The following GRIN2C variants were observed in gnomAD, a reference collection of about 807,000 sequenced individuals.
GRIN2C encodes the protein glutamate ionotropic receptor NMDA type subunit 2C.
GRIN2C carries 64 observed loss-of-function variants against 77.7 expected under a neutral mutation model. That is an observed-to-expected ratio of 0.82 (90% CI 0.67 to 1.01). The LOEUF is 1.01. Ranked by LOEUF, GRIN2C falls within the 50% of genes least tolerant of loss-of-function variation. GRIN2C has a pLI of 0.00. For missense variants in GRIN2C, 1,549 were observed against 1,486.0 expected, an observed-to-expected ratio of 1.04 and a Z score of -0.70; for synonymous variants, 792 against 643.4, an observed-to-expected ratio of 1.23 and a Z score of -3.49.
chr17:74,859,006 C>G lies in GRIN2C; in HGVS notation c.-16+738G>C, dbSNP rs1402406824. ...AGGCTGGGGCACCTGCCCTTCTTCC[C>G]CCTGCCCTGGCTTCCCCTCCTGGGT... On this transcript the variant is annotated intron_variant, in intron 1 of 12. Transcript: ENST00000293190. This position sits in a 1 kb window ranked among gnomAD's most constrained non-coding sequence, Gnocchi z 5.9. Among the ~76,000 whole-genome samples the G allele has an allele frequency of 6.6e-6, 1 of 152,076 alleles. No homozygotes were observed. The highest frequency in any genetic ancestry group is 1.5e-5 in the Non-Finnish European group (1 of 67,998).
rs2037345876 is a variant in GRIN2C at position 74,843,082 on chromosome 17, C to G, written c.3055G>C (p.Glu1019Gln). 2 of 457,390 alleles carry G rather than the reference C, an allele frequency of 4.4e-6. No individual in the cohort carries two copies. Among genetic ancestry groups the G allele is most frequent in the Non-Finnish European group, 7.8e-6 (2 of 256,270 alleles). 28.3% of individuals were successfully genotyped at this position (457,390 alleles called of 1,614,324 possible). A position where few individuals can be genotyped will look rare whatever the true frequency, so the allele number is the denominator to read the frequency against. The change falls in exon 13 of 13, where the codon GAG becomes CAG. Residue 1019 changes from glutamate to glutamine, a missense_variant. By Grantham distance (29) the Glu-to-Gln change is conservative. Transcript: ENST00000293190. ...CAGCGCGCGGGCGACAGGGGCCGCT[C>G]GGAGGCCGAGAGGTGCCTCCCGCAG... ...GHCGRHLSAS[E>Q]RPLSPARCHY... is the part of the protein sequence containing the mutation.
At position 74,854,975 on chromosome 17, in the gene GRIN2C, C is replaced by G; in HGVS notation, c.118G>C (p.Gly40Arg). ...MTVAVVFSSS[G>R]PPQAQFRARL... ...GCACGGAACTGGGCCTGGGGCGGCC[C>G]TGAGCTGCTAAACACCACGGCCACC... is the stretch of plus-strand genomic sequence containing the variant. Residue 40 changes from glycine to arginine, a missense_variant, in exon 2 of 13, where the codon GGG (glycine) becomes CGG (arginine). Coordinates refer to ENST00000293190, the MANE Select transcript of GRIN2C (RefSeq NM_000835.6). The G allele has an allele frequency of 6.2e-7, 1 of 1,610,760 alleles. No homozygotes were observed. The highest frequency in any genetic ancestry group is 8.5e-7 in the Non-Finnish European group (1 of 1,179,944).
In GRIN2C at chr17:74,852,425, G is replaced by T; in HGVS notation, c.586C>A (p.Leu196Met). The T allele has an allele frequency of 1.3e-6, 2 of 1,519,690 alleles. No homozygotes were observed. The highest frequency in any genetic ancestry group is 2.6e-5 in the East Asian group (1 of 37,876). 94.1% of individuals were successfully genotyped at this position (1,519,690 alleles called of 1,614,324 possible). ...ADASHVSWRL[L>M]DVVTLELGPG... ...CCCAGCTCCAGCGTGACCACGTCCA[G>T]CAGCCGCCAACTCACGTGGCTGGCG... is the stretch of plus-strand genomic sequence containing the variant. The change falls in exon 3 of 13, where the codon CTG (leucine) becomes ATG (methionine). Residue 196 changes from leucine to methionine, a missense_variant. By Grantham distance (15) the Leu-to-Met change is conservative. Around this residue, in one of 3 missense-constraint regions of GRIN2C, gnomAD observed 382 missense variants for 360.0 expected, o/e 1.06. Transcript: ENST00000293190.
chr17:74,847,439 T>G lies in GRIN2C; in HGVS notation c.1870A>C (p.Thr624Pro). ...SVPIENPRGT[T>P]SKIMVLVWAF... ...CAGACCAGAACCATGATCTTGCTGG[T>G]GGTGCCCCGCGGGTTCTCGATGGGC... The change falls in exon 9 of 13, where the codon ACC (threonine) becomes CCC (proline). Residue 624 changes from threonine (T) to proline (P), a missense_variant. Physicochemically the swap from Thr to Pro is conservative, Grantham distance 38. This residue lies in a region of GRIN2C where 717 missense variants were observed against 858.1 expected (regional missense o/e 0.84). Transcript: ENST00000293190. This position sits in a 1 kb window ranked among gnomAD's most constrained non-coding sequence, Gnocchi z 5.2. 2 of 1,613,836 alleles carry G rather than the reference T, an allele frequency of 1.2e-6. No individual in the cohort carries two copies. The highest frequency in any genetic ancestry group is 1.7e-6 in the Non-Finnish European group (2 of 1,179,886).
intron 1 of GRIN2C, among the ~76,000 whole-genome samples, chr17:74,855,534 C>T (rs1452648581): frequency 1.3e-5 from 2 of 152,228 alleles, no homozygotes; most frequent in South Asian, 2.1e-4. Flanking sequence ...AGGGAAGTCA[C>T]TTAGCCTCTC....
At chr17:74,852,634 CGGGG>C in intron 2 of GRIN2C, 23 bp from the exon 3 acceptor site, 1 of 1,015,734 alleles carries the variant, frequency 9.8e-7, no homozygotes, top group Non-Finnish European at 1.2e-6. Context: ...GGGGCCTGAG[CGGGG>C]CGGGAGGGCC....
In GRIN2C at chr17:74,846,085, G is replaced by T; in HGVS notation, c.2331C>A (p.Leu777=). ...SHWKRAIDLA[L]LQFLGDGETQ... ...ACCCACCGTCCCCCAGGAACTGCAA[G>T]AGCGCCAGGTCTATGGCCCGCTTCC... The change falls in exon 11 of 13, where the codon CTC becomes CTA. Residue 777 remains leucine (L), a synonymous_variant. Transcript: ENST00000293190. The surrounding 1 kb of genome is among the most constrained non-coding windows in gnomAD (Gnocchi z 4.4). 6.2e-7 allele frequency: 1 copy of T among 1,614,170 alleles called. No individual in the cohort carries two copies. Among genetic ancestry groups the T allele is most frequent in the Non-Finnish European group, 8.5e-7 (1 of 1,179,996 alleles).
rs2037465934 is a variant in GRIN2C, at chr17:74,846,689, C to T, written c.2162+71G>A. ...GGACAGCCCAGTCCCACTGTCCCCA[C>T]ATTGAGAGCTAAGGCTGGTCACTGG... On this transcript the variant is annotated intron_variant, in intron 10 of 12. Transcript: ENST00000293190. The surrounding 1 kb of genome is among the most constrained non-coding windows in gnomAD (Gnocchi z 4.4). The T allele has an allele frequency of 2.0e-6, 3 of 1,496,614 alleles. No homozygotes were observed. Among genetic ancestry groups the T allele is most frequent in the Non-Finnish European group, 2.8e-6 (3 of 1,090,042 alleles). The allele number at this position is 1,496,614 out of a possible 1,614,324, so 92.7% of individuals were successfully genotyped here.
Position 74,844,271 on chromosome 17 carries a change from C to T in GRIN2C, c.2583+5G>A. On this transcript the variant is annotated splice_donor_5th_base_variant and intron_variant, in intron 12 of 12. Transcript: ENST00000293190. ...TGGCCTGTGTGGGGAGGGGTGGGCA[C>T]CCACCCTGCTGAAAGCCAGCAGGAA... is the stretch of plus-strand genomic sequence containing the variant. The T allele has an allele frequency of 6.2e-7, 1 of 1,613,450 alleles. No individual in the cohort carries two copies. The highest frequency in any genetic ancestry group is 8.5e-7 in the Non-Finnish European group (1 of 1,179,596).
At position 74,850,873 on chromosome 17, in the gene GRIN2C, T is replaced by C. The variant is rs2037620859; in HGVS notation, c.1114-106A>G. 2 of 973,022 alleles carry C rather than the reference T, an allele frequency of 2.1e-6. No individual in the cohort carries two copies. The highest frequency in any genetic ancestry group is 1.5e-5 in the South Asian group (1 of 66,476). The allele number at this position is 973,022 out of a possible 1,614,324, so 60.3% of individuals were successfully genotyped here. On this transcript the variant is annotated intron_variant, in intron 4 of 12. Coordinates refer to ENST00000293190, the MANE Select transcript of GRIN2C (RefSeq NM_000835.6). This position sits in a 1 kb window ranked among gnomAD's most constrained non-coding sequence, Gnocchi z 5.3. ...ATCTCCCTCTCTCACCTAGGGATGCTGGGGCAGGTCAGAGTAGGGCTGCTC... is the reference window on the plus strand; with the variant it reads ...ATCTCCCTCTCTCACCTAGGGATGCCGGGGCAGGTCAGAGTAGGGCTGCTC...
Position 74,842,124 on chromosome 17 carries a change from G to A in GRIN2C, c.*311C>T, listed in dbSNP as rs970605485. On this transcript the variant is annotated 3_prime_UTR_variant, in exon 13 of 13. Transcript: ENST00000293190. ...GGCCCTGCCTCAACCACAAGTTCCA[G>A]CCTCCATGCCCACAGCAGCCATGAC... The A allele has an allele frequency of 5.8e-6, 2 of 345,674 alleles. No homozygotes were observed. The highest frequency in any genetic ancestry group is 1.1e-5 in the Non-Finnish European group (2 of 190,024). 21.4% of individuals were successfully genotyped at this position (345,674 alleles called of 1,614,324 possible).
Position 74,847,611 on chromosome 17 carries a change from G to T in GRIN2C, c.1772-74C>A. On this transcript the variant is annotated intron_variant, in intron 8 of 12. Coordinates refer to ENST00000293190, the MANE Select transcript of GRIN2C (RefSeq NM_000835.6). The surrounding 1 kb of genome is among the most constrained non-coding windows in gnomAD (Gnocchi z 5.2). ...AAAGGGCTCAGGGCTCAGCCCACCC[G>T]ACTGCACAGCTCCGGTCTCAGCCTG... 8.8e-7 allele frequency: 1 copy of T among 1,138,180 alleles called. No individual in the cohort carries two copies. Among genetic ancestry groups the T allele is most frequent in the South Asian group, 1.3e-5 (1 of 77,334 alleles). 70.5% of individuals were successfully genotyped at this position (1,138,180 alleles called of 1,614,324 possible). A position where few individuals can be genotyped will look rare whatever the true frequency, so the allele number is the denominator to read the frequency against.
At chr17:74,844,189 C>T (rs757574947) in intron 12 of GRIN2C, 87 bp downstream of exon 12, 1 of 1,561,706 alleles carries the variant, frequency 6.4e-7, no homozygotes, top group Non-Finnish European at 8.7e-7. Context: ...TTGGTTTTAC[C>T]TCTGGAAATG....
At chr17:74,854,663 G>A in intron 2 of GRIN2C, 31 bp downstream of exon 2, 1 of 1,584,140 alleles carries the variant, frequency 6.3e-7, no homozygotes, top group South Asian at 1.1e-5. Flanking sequence ...CCAGGCCTGA[G>A]GCACGAGGGG....
chr17:74,844,393 C>G lies in GRIN2C; in HGVS notation c.2466G>C (p.Leu822=). Residue 822 remains leucine (L), a synonymous_variant, in exon 12 of 13, where the codon CTG becomes CTC. Transcript: ENST00000293190. ...GCAGGGCCAGCCCCATGGCCACCAG[C>G]AGCATGTAGAAGACGCCTGCCATGT... is the stretch of plus-strand genomic sequence containing the variant. The part of the protein sequence containing the change: ...IDNMAGVFYM[L]LVAMGLALLV... 2 of 1,614,204 alleles carry G rather than the reference C, an allele frequency of 1.2e-6. No homozygotes were observed. The highest frequency in any genetic ancestry group is 1.7e-6 in the Non-Finnish European group (2 of 1,180,032).
chr17:74,858,338 T>C (rs973832780), intron 1 of GRIN2C, among the ~76,000 whole-genome samples: 15 of 38,026 alleles, frequency 3.9e-4, no homozygotes, highest in African/African-American at 1.5e-3. Flanking sequence ...GGTGTCCTGC[T>C]GGGTTGGGGG....
chr17:74,843,109 G>C lies in GRIN2C; in HGVS notation c.3028C>G (p.His1010Asp), dbSNP rs1307752365. ...GAGGCCGAGAGGTGCCTCCCGCAGT[G>C]CCCGGTCCGCACCGGCCACCGCGCC... ...WEARWPVRTGHCGRHLSASER... is the reference protein window; with the variant it reads ...WEARWPVRTGDCGRHLSASER... The change falls in exon 13 of 13, where the codon CAC becomes GAC. Residue 1010 changes from histidine (H) to aspartate (D), a missense_variant. Coordinates refer to ENST00000293190, the MANE Select transcript of GRIN2C (RefSeq NM_000835.6). 2.3e-6 allele frequency: 1 copy of C among 440,380 alleles called. No individual in the cohort carries two copies. Among genetic ancestry groups the C allele is most frequent in the Non-Finnish European group, 4.0e-6 (1 of 248,362 alleles). 27.3% of individuals were successfully genotyped at this position (440,380 alleles called of 1,614,324 possible).
At position 74,852,477 on chromosome 17, in the gene GRIN2C, G is replaced by A; in HGVS notation, c.534C>T (p.Phe178=). The change falls in exon 3 of 13, where the codon TTC becomes TTT. Residue 178 remains phenylalanine, a synonymous_variant. Transcript: ENST00000293190. ...CGGCGACGGCGCGCACGCCCTCCAGGAAGAGCGCGTGGCCCGGGTGCAGGC... is the reference window on the plus strand; with the variant it reads ...CGGCGACGGCGCGCACGCCCTCCAGAAAGAGCGCGTGGCCCGGGTGCAGGC... ...ITSLHPGHAL[F]LEGVRAVADA... is the part of the protein sequence containing the mutation. The A allele has an allele frequency of 6.4e-7, 1 of 1,563,346 alleles. No homozygotes were observed. The highest frequency in any genetic ancestry group is 8.6e-7 in the Non-Finnish European group (1 of 1,164,448).
At chr17:74,856,870 C>T (rs565348096) in intron 1 of GRIN2C, among the ~76,000 whole-genome samples, 67 of 152,168 alleles carry the variant, frequency 4.4e-4, no homozygotes, top group African/African-American at 9.6e-4. Flanking sequence ...ATCCAGAGAG[C>T]GGGGAAGTGC....
Sources: gnomAD v4.1 joint callset for allele counts (sites outside exome capture counted in the v4.1 genomes callset) on GRCh38, gnomAD v4.1.1 for gene constraint, gnomAD v4.1.1 regional missense constraint, Gnocchi (gnomAD v3.1) non-coding constraint, MANE v1.5 for transcripts, NCBI Gene and HGNC (gene_info 2026-07-23, HGNC 2026-07-21) for gene names.